The following WDFY4 variants were observed in gnomAD, a reference collection of about 807,000 sequenced individuals.
WDFY4 encodes WDFY family member 4, also known as WD repeat- and FYVE domain-containing protein 4.
Under a neutral mutation model 351.9 loss-of-function variants are expected in WDFY4, and 169 were observed. The observed-to-expected ratio is 0.48, with a 90% CI of 0.42 to 0.55. The LOEUF is 0.55. Among genes scored for constraint, WDFY4 ranks in the 20% least tolerant of loss-of-function variants. The probability of loss-of-function intolerance (pLI) is 0.00; values close to 1 mark genes in which losing one functional copy is unlikely to be tolerated. For missense variants in WDFY4, 3,803 were observed against 3,935.6 expected (o/e 0.97, Z 0.90); for synonymous variants, 1,622 against 1,574.6 (o/e 1.03, Z -0.71).
At chr10:48,922,372 T>A (rs1839160765) in intron 47 of WDFY4, among the ~76,000 whole-genome samples, 2 of 152,194 alleles carry the variant, frequency 1.3e-5, no homozygotes, top group African/African-American at 4.8e-5. Flanking sequence ...AGTTCAGATA[T>A]GCCAAAGAGA....
At chr10:48,901,314 C>T (rs544878107) in intron 46 of WDFY4, among the ~76,000 whole-genome samples, 1 of 152,238 alleles carries the variant, frequency 6.6e-6, no homozygotes, top group Non-Finnish European at 1.5e-5. Flanking sequence ...TGATTCATTT[C>T]CCCCTATGGT....
intron 40 of WDFY4, among the ~76,000 whole-genome samples, chr10:48,869,158 T>A (rs2620883): frequency 0.56 from 85,417 of 152,116 alleles, 25,280 homozygotes; most frequent in African/African-American, 0.75. Context: ...GATGTGGACC[T>A]TTGCCCTGCT....
chr10:48,820,260 C>T lies in WDFY4; in HGVS notation c.5532C>T (p.Asn1844=), dbSNP rs2067772166. 2.6e-6 allele frequency: 4 copies of T among 1,551,662 alleles called. No homozygotes were observed. The highest frequency in any genetic ancestry group is 1.7e-4 in the Middle Eastern group (1 of 5,992). ...QKGVGAESTR[N]TSSPEAAAEG... ...GGGTTGGGGCTGAGTCCACCCGGAACACCAGCAGTCCTGAGGCCGCAGCTG... is the reference window on the plus strand; with the variant it reads ...GGGTTGGGGCTGAGTCCACCCGGAATACCAGCAGTCCTGAGGCCGCAGCTG... The change falls in exon 33 of 62, where the codon AAC becomes AAT. Residue 1844 remains asparagine, a synonymous_variant. Transcript: ENST00000325239.
rs1270779189 is a variant in WDFY4, at chr10:48,832,563, C to T, written c.6527-10C>T. On this transcript the variant is annotated splice_polypyrimidine_tract_variant and intron_variant, in intron 38 of 61. Coordinates refer to ENST00000325239, the MANE Select transcript of WDFY4 (RefSeq NM_001394531.1). ...TTCACCTCTGACATTCTTTGCTTCC[C>T]TTCCCTCAGCATCTGAGAAGAAGTC... 2 of 1,537,800 alleles carry T rather than the reference C, an allele frequency of 1.3e-6. No homozygotes were observed. Among genetic ancestry groups the T allele is most frequent in the Non-Finnish European group, 1.8e-6 (2 of 1,138,156 alleles).
intron 39 of WDFY4, among the ~76,000 whole-genome samples, chr10:48,837,416 G>C (rs1189015246): frequency 6.6e-6 from 1 of 152,126 alleles, no homozygotes. Flanking sequence ...CAGAGTCATG[G>C]CATCTGCTCC....
intron 47 of WDFY4, among the ~76,000 whole-genome samples, chr10:48,941,179 G>A (rs1367951249): frequency 6.6e-6 from 1 of 152,170 alleles, no homozygotes; most frequent in Non-Finnish European, 1.5e-5. Context: ...GAATGCGAAA[G>A]GGCAGTGTGA....
intron 1 of WDFY4, among the ~76,000 whole-genome samples, chr10:48,693,917 G>A (rs747430837): frequency 2.6e-5 from 4 of 152,206 alleles, no homozygotes; most frequent in East Asian, 1.9e-4. Flanking sequence ...TATCTGTGAC[G>A]TAGGTGGTTT....
intron 2 of WDFY4, among the ~76,000 whole-genome samples, chr10:48,714,988 CAA>C (rs2063862032): frequency 6.6e-6 from 1 of 152,258 alleles, no homozygotes; most frequent in African/African-American, 2.4e-5. Flanking sequence ...GCATAGGCCT[CAA>C]GAGGCTCACA....
chr10:48,966,959 C>A (rs899813497), intron 55 of WDFY4: 9 of 423,704 alleles, frequency 2.1e-5, no homozygotes, highest in African/African-American at 1.6e-4. Context: ...GGCACACACA[C>A]ACATCTCTCT....
intron 47 of WDFY4, among the ~76,000 whole-genome samples, chr10:48,929,478 G>C (rs1252948801): frequency 6.6e-6 from 1 of 152,132 alleles, no homozygotes. Flanking sequence ...AAGTTGATTG[G>C]GTGGGTTAGA....
At chr10:48,825,243 G>T (rs966045372) in intron 35 of WDFY4, among the ~76,000 whole-genome samples, 1 of 152,084 alleles carries the variant, frequency 6.6e-6, no homozygotes, top group Admixed American at 6.6e-5. Flanking sequence ...AGTTTGCTGA[G>T]GATAATGGCT....
chr10:48,724,236 C>T (rs760299548), intron 5 of WDFY4, among the ~76,000 whole-genome samples: 4 of 152,022 alleles, frequency 2.6e-5, no homozygotes, highest in Non-Finnish European at 4.4e-5. Flanking sequence ...CTGTGGGGCC[C>T]GTCGCTGTGT....
intron 57 of WDFY4, among the ~76,000 whole-genome samples, chr10:48,972,643 C>A (rs1842386905): frequency 6.6e-6 from 1 of 152,180 alleles, no homozygotes; most frequent in South Asian, 2.1e-4. Flanking sequence ...AACTATTTTA[C>A]ATAGTGCTGC....
chr10:48,722,716 G>T (rs113383896), intron 4 of WDFY4, among the ~76,000 whole-genome samples: 10 of 152,180 alleles, frequency 6.6e-5, no homozygotes, highest in African/African-American at 2.2e-4. Flanking sequence ...ACACACGTGC[G>T]TGCGCACACA....
chr10:48,728,189 T>A (rs981808030), intron 7 of WDFY4, among the ~76,000 whole-genome samples: 1 of 152,220 alleles, frequency 6.6e-6, no homozygotes, highest in African/African-American at 2.4e-5. Context: ...CCCTTCCCTG[T>A]CTCACGTGGC....
chr10:48,689,633 C>A (rs953448529), intron 1 of WDFY4, among the ~76,000 whole-genome samples: 6 of 152,144 alleles, frequency 3.9e-5, no homozygotes, highest in African/African-American at 1.4e-4. Context: ...CTTTCTATTT[C>A]TAATATTTCT....
rs41281999 is a variant in WDFY4 at position 48,727,588 on chromosome 10, C to T, written c.900C>T (p.Pro300=). Residue 300 remains proline (P), a synonymous_variant, in exon 7 of 62, where the codon CCC becomes CCT. Coordinates refer to ENST00000325239, the MANE Select transcript of WDFY4 (RefSeq NM_001394531.1). ...TGGGATTCGTGAAGGACTCCTACCC[C>T]GTCTCCTCGGCTCTGTTCCTGGAGT... The part of the protein sequence containing the change: ...LILGFVKDSY[P]VSSALFLEFE... The T allele has an allele frequency of 7.6e-4, 1,172 of 1,551,988 alleles. No individual in the cohort carries two copies. Among genetic ancestry groups the T allele is most frequent in the Non-Finnish European group, 7.3e-4 (839 of 1,147,054 alleles).
At chr10:48,840,595 G>A (rs898741145) in intron 39 of WDFY4, among the ~76,000 whole-genome samples, 1 of 152,114 alleles carries the variant, frequency 6.6e-6, no homozygotes, top group African/African-American at 2.4e-5. Context: ...TCACACCAGT[G>A]AGAAGGAAGC....
At chr10:48,921,363 A>G (rs1430246319) in intron 47 of WDFY4, among the ~76,000 whole-genome samples, 2 of 152,232 alleles carry the variant, frequency 1.3e-5, no homozygotes, top group Non-Finnish European at 2.9e-5. Context: ...AAGGATGTTC[A>G]ATGGAGAGAA....
Sources: gnomAD v4.1 joint callset for allele counts (sites outside exome capture counted in the v4.1 genomes callset) on GRCh38, gnomAD v4.1.1 for gene constraint, MANE v1.5 for transcripts, NCBI Gene and HGNC (gene_info 2026-07-23, HGNC 2026-07-21) for gene names.